CSMD1: variants seen among roughly 807,000 people sequenced by gnomAD.
CSMD1 encodes the protein CUB and Sushi multiple domains 1.
Under a neutral mutation model 417.5 loss-of-function variants are expected in CSMD1, and 213 were observed. The ratio of observed to expected loss-of-function variants is 0.51; its 90% CI spans 0.46 to 0.57. The LOEUF (loss-of-function observed/expected upper bound fraction) is 0.57, where lower values mean the gene tolerates loss of function less well. Among genes scored for constraint, CSMD1 ranks in the 20% least tolerant of loss-of-function variants. The pLI, the probability that CSMD1 is intolerant of heterozygous loss-of-function variation, is 0.00. For synonymous variants in CSMD1, 2,862 were observed against 1,736.8 expected (o/e 1.65, Z -16.11); for missense variants, 6,923 against 4,529.7 (o/e 1.53, Z -15.17).
chr8:4,887,954 G>A (rs544102772), intron 1 of CSMD1, among the ~76,000 whole-genome samples: 1 of 151,792 alleles, frequency 6.6e-6, no homozygotes, highest in Non-Finnish European at 1.5e-5. Context: ...GTCAATATAT[G>A]GTTAAATCTC....
Position 3,833,785 on chromosome 8 carries a change from T to C in CSMD1, c.819-79743A>G, listed in dbSNP as rs538111673. On this transcript the variant is annotated intron_variant, in intron 5 of 69. Transcript: ENST00000635120. The stretch of plus-strand genomic sequence containing the variant: ...CCCTGGTTCTCTTCTCTTGGTAAAC[T>C]TGGAAAAGAGAGGCTCATTAAAGAT... 8.5e-5 allele frequency among the ~76,000 whole-genome samples: 13 copies of C among 152,242 alleles called. No homozygotes were observed. In the East Asian group the frequency reaches 2.5e-3, roughly 29 times the overall value.
chr8:4,257,763 A>G (rs1277842977), intron 3 of CSMD1, among the ~76,000 whole-genome samples: 2 of 152,186 alleles, frequency 1.3e-5, no homozygotes, highest in African/African-American at 4.8e-5. Context: ...GGCCAAGGAT[A>G]AAACAGCATC....
chr8:3,820,629 G>A lies in CSMD1; in HGVS notation c.819-66587C>T, dbSNP rs115328376. 2.6e-3 allele frequency among the ~76,000 whole-genome samples: 392 copies of A among 152,284 alleles called. 1 individual carries two copies. Among genetic ancestry groups the A allele is most frequent in the African/African-American group, 8.2e-3 (341 of 41,570 alleles). On this transcript the variant is annotated intron_variant, in intron 5 of 69. Transcript: ENST00000635120. ...CTTGCTCTCTTGTCCAAGTTGGAGC[G>A]TAGTGGCGTAATCTCGGCTCAGTGC...
At chr8:3,042,563 C>G (rs1295897707) in intron 50 of CSMD1, among the ~76,000 whole-genome samples, 1 of 152,148 alleles carries the variant, frequency 6.6e-6, no homozygotes, top group Non-Finnish European at 1.5e-5. Flanking sequence ...GCACTTTACG[C>G]TAGTTCCACA....
chr8:4,727,716 G>C (rs1384478811), intron 1 of CSMD1, among the ~76,000 whole-genome samples: 1 of 151,916 alleles, frequency 6.6e-6, no homozygotes, highest in African/African-American at 2.4e-5. Flanking sequence ...TGTTCTGCCA[G>C]TAATCTTCCT....
intron 1 of CSMD1, among the ~76,000 whole-genome samples, chr8:4,937,451 A>T (rs1807698212): frequency 6.6e-6 from 1 of 152,200 alleles, no homozygotes; most frequent in South Asian, 2.1e-4. Flanking sequence ...GATGAGTAAT[A>T]CTAAGGCAAG....
At chr8:4,426,017 G>A (rs1029999975) in intron 2 of CSMD1, among the ~76,000 whole-genome samples, 18 of 151,074 alleles carry the variant, frequency 1.2e-4, no homozygotes, top group Non-Finnish European at 1.6e-4. Flanking sequence ...TTTAAAATGT[G>A]TTTTCCAAAT....
intron 1 of CSMD1, among the ~76,000 whole-genome samples, chr8:4,718,883 C>T (rs572429431): frequency 4.6e-5 from 7 of 151,920 alleles, no homozygotes; most frequent in South Asian, 2.1e-4. Flanking sequence ...AATGAAAATA[C>T]GTATCTTTGA....
At chr8:3,835,687 T>C (rs780813843) in intron 5 of CSMD1, among the ~76,000 whole-genome samples, 89 of 149,804 alleles carry the variant, frequency 5.9e-4, no homozygotes, top group Non-Finnish European at 3.1e-4. Flanking sequence ...ATTGTGCACA[T>C]GTACCCTGAA....
At chr8:4,783,530 A>T (rs529769233) in intron 1 of CSMD1, among the ~76,000 whole-genome samples, 2 of 152,344 alleles carry the variant, frequency 1.3e-5, no homozygotes, top group Non-Finnish European at 2.9e-5. Flanking sequence ...ACGTTTATGC[A>T]AATTACATGG....
intron 49 of CSMD1, among the ~76,000 whole-genome samples, chr8:3,075,728 T>A (rs6999502): frequency 0.61 from 92,377 of 151,766 alleles, 28,470 homozygotes; most frequent in Non-Finnish European, 0.63. Flanking sequence ...AATGTATTTT[T>A]ATCTGCAGAC....
At chr8:3,641,878 G>T (rs535805553) in intron 7 of CSMD1, among the ~76,000 whole-genome samples, 1 of 152,276 alleles carries the variant, frequency 6.6e-6, no homozygotes, top group South Asian at 2.1e-4. Flanking sequence ...TTCATATAAG[G>T]TTTCGCTACA....
chr8:4,770,452 T>A (rs1312411990), intron 1 of CSMD1, among the ~76,000 whole-genome samples: 1 of 150,160 alleles, frequency 6.7e-6, no homozygotes, highest in Non-Finnish European at 1.5e-5. Flanking sequence ...TTCACAGAAT[T>A]TTTTTTTTAA....
At chr8:3,996,251 C>T (rs1224726100) in intron 5 of CSMD1, among the ~76,000 whole-genome samples, 2 of 152,184 alleles carry the variant, frequency 1.3e-5, no homozygotes, top group African/African-American at 2.4e-5. Flanking sequence ...TACCTCTGGA[C>T]TGTCCTAAAA....
intron 7 of CSMD1, among the ~76,000 whole-genome samples, chr8:3,705,430 C>T (rs1444156669): frequency 6.6e-6 from 1 of 152,166 alleles, no homozygotes; most frequent in Non-Finnish European, 1.5e-5. Context: ...TTTGGTGAAG[C>T]CAGCACTGGA....
At chr8:4,954,368 T>A (rs1311091882) in intron 1 of CSMD1, among the ~76,000 whole-genome samples, 1 of 152,154 alleles carries the variant, frequency 6.6e-6, no homozygotes, top group Non-Finnish European at 1.5e-5. Flanking sequence ...TAAAGACACA[T>A]TTTTTGTGTG....
At chr8:4,161,141 C>T (rs1584934262) in intron 3 of CSMD1, among the ~76,000 whole-genome samples, 1 of 151,272 alleles carries the variant, frequency 6.6e-6, no homozygotes, top group Admixed American at 6.6e-5. Context: ...AAAGTCATGT[C>T]TTAAGACATG....
At chr8:4,829,389 G>A (rs1175140263) in intron 1 of CSMD1, among the ~76,000 whole-genome samples, 2 of 152,246 alleles carry the variant, frequency 1.3e-5, no homozygotes, top group Admixed American at 1.3e-4. Context: ...AAAACGTAGA[G>A]ATACAAAGAT....
In CSMD1 at chr8:3,242,509, T is replaced by A. The variant is rs945812123; in HGVS notation, c.4154-12278A>T. Among the ~76,000 whole-genome samples, 9 of 152,210 alleles carry A rather than the reference T, an allele frequency of 5.9e-5. No homozygotes were observed. The South Asian group carries it at 1.9e-3, about 32-fold the overall frequency. On this transcript the variant is annotated intron_variant, in intron 26 of 69. Transcript: ENST00000635120. Reference sequence around the variant, plus strand: ...CATTCTATGCCAAGAATTATTTAGATCTTGCAGGGTGGAAAAATTGAAAGT... The same window carrying A: ...CATTCTATGCCAAGAATTATTTAGAACTTGCAGGGTGGAAAAATTGAAAGT...
Sources: allele counts gnomAD v4.1 joint callset (sites outside exome capture counted in the v4.1 genomes callset), GRCh38; gene constraint gnomAD v4.1.1; transcripts MANE v1.5; gene names NCBI Gene and HGNC (gene_info 2026-07-23, HGNC 2026-07-21).